The following POLQ variants were observed in gnomAD, a reference collection of about 807,000 sequenced individuals.
The protein encoded by POLQ is epididymis secretory sperm binding protein.
In POLQ, 233 loss-of-function variants were observed where a neutral mutation model predicts 259.2. The observed-to-expected ratio is 0.90, with a 90% CI of 0.81 to 1.00. The LOEUF is 1.00. Ranked by LOEUF, POLQ falls within the 50% of genes least tolerant of loss-of-function variation. The probability of loss-of-function intolerance (pLI) is 0.00; values close to 1 mark genes in which losing one functional copy is unlikely to be tolerated. For synonymous variants in POLQ, 1,025 were observed against 1,048.8 expected, an observed-to-expected ratio of 0.98 and a Z score of 0.44; for missense variants, 2,871 against 3,051.6, an observed-to-expected ratio of 0.94 and a Z score of 1.39.
intron 25 of POLQ, among the ~76,000 whole-genome samples, chr3:121,459,216 T>C (rs1295893493): frequency 6.6e-6 from 1 of 152,086 alleles, no homozygotes; most frequent in African/African-American, 2.4e-5. Flanking sequence ...GCTAAAAAGC[T>C]ATCAGGTACT....
intron 14 of POLQ, chr3:121,494,474 G>T (rs1381410160): frequency 1.4e-6 from 2 of 1,480,944 alleles, no homozygotes; most frequent in African/African-American, 1.4e-5. Context: ...GAAGAAAGCT[G>T]CTGGCAGAGG....
At chr3:121,491,217 G>T (rs1331208613) in intron 15 of POLQ, among the ~76,000 whole-genome samples, 1 of 151,834 alleles carries the variant, frequency 6.6e-6, no homozygotes, top group Non-Finnish European at 1.5e-5. Flanking sequence ...GCCGGGTGTG[G>T]TGACATGTGC....
intron 25 of POLQ, among the ~76,000 whole-genome samples, chr3:121,456,316 C>T (rs1239200568): frequency 6.6e-6 from 1 of 151,966 alleles, no homozygotes; most frequent in Non-Finnish European, 1.5e-5. Context: ...CCTGTGAAAA[C>T]TGGCACAAGA....
intron 25 of POLQ, among the ~76,000 whole-genome samples, 176 bp downstream of exon 25, chr3:121,459,874 T>G (rs1001121138): frequency 6.6e-6 from 1 of 152,162 alleles, no homozygotes; most frequent in African/African-American, 2.4e-5. Flanking sequence ...TTCTTCCTAC[T>G]GCCTCCACAA....
chr3:121,440,163 T>C, intron 26 of POLQ, 47 bp from the exon 27 acceptor site: 1 of 1,437,542 alleles, frequency 7.0e-7, no homozygotes, highest in South Asian at 1.2e-5. Context: ...AAGTCTATCC[T>C]TCACTTCATT....
chr3:121,489,595 T>C lies in POLQ; in HGVS notation c.3336A>G (p.Thr1112=), dbSNP rs1285764228. The C allele has an allele frequency of 8.1e-6, 13 of 1,613,010 alleles. No individual in the cohort carries two copies. The highest frequency in any genetic ancestry group is 1.1e-5 in the South Asian group (1 of 90,818). Residue 1112 remains threonine (T), a synonymous_variant, in exon 16 of 30, where the codon ACA becomes ACG. Transcript: ENST00000264233. ...TTTGCTTTATTTGTAATGGGAATGA[T>C]GTTTTATTATCTTTTTCCTTACCAC... ...SLSGKEKDNK[T]SFPLQIKQNC... is the part of the protein sequence containing the mutation.
rs374439731 is a variant in POLQ at position 121,483,336 on chromosome 3, A to G, written c.5970+50T>C. 34 of 1,020,734 alleles carry G rather than the reference A, an allele frequency of 3.3e-5. No homozygotes were observed. In the African/African-American group the frequency reaches 3.5e-4, roughly 10 times the overall value. 63.2% of individuals were successfully genotyped at this position (1,020,734 alleles called of 1,614,324 possible). On this transcript the variant is annotated intron_variant, in intron 18 of 29. Transcript: ENST00000264233. ...TAAATACCAAGTCATTTAAGAATTA[A>G]CACTAAAAATGTTGTTTTAAGTATA...
Position 121,509,588 on chromosome 3 carries a change from T to C in POLQ, c.1932A>G (p.Leu644=), listed in dbSNP as rs768794195. Residue 644 remains leucine (L), a synonymous_variant, in exon 12 of 30, where the codon TTA becomes TTG. Coordinates refer to ENST00000264233, the MANE Select transcript of POLQ (RefSeq NM_199420.4). The part of the protein sequence containing the change: ...DLQRAMKGFV[L]ENDLHILYLV... ...GATAGAGAATATGAAGATCATTCTC[T>C]AAAACAAAGCCCTTCATTGCTCTTT... 3 of 1,613,456 alleles carry C rather than the reference T, an allele frequency of 1.9e-6. No homozygotes were observed. The Admixed American group carries it at 5.0e-5, about 27-fold the overall frequency.
intron 28 of POLQ, among the ~76,000 whole-genome samples, chr3:121,433,979 G>T (rs190927229): frequency 1.5e-3 from 221 of 152,292 alleles, no homozygotes; most frequent in Middle Eastern, 6.8e-3. Flanking sequence ...ATCACCTGAG[G>T]CTGCAGCAAG....
intron 7 of POLQ, among the ~76,000 whole-genome samples, chr3:121,527,531 T>C (rs1193278203): frequency 1.3e-5 from 2 of 152,332 alleles, no homozygotes; most frequent in South Asian, 2.1e-4. Context: ...TGCAGCCACA[T>C]AAAACTGCAT....
chr3:121,524,686 T>C (rs1053919263), intron 7 of POLQ, among the ~76,000 whole-genome samples: 1 of 151,998 alleles, frequency 6.6e-6, no homozygotes, highest in African/African-American at 2.4e-5. Flanking sequence ...TAATCTAAAG[T>C]GACAGCAAGC....
In POLQ at chr3:121,531,059, T is replaced by C. The variant is rs2048408201; in HGVS notation, c.961-1267A>G. 2.0e-5 allele frequency among the ~76,000 whole-genome samples: 3 copies of C among 152,168 alleles called. No individual in the cohort carries two copies. The South Asian group carries it at 6.2e-4, about 32-fold the overall frequency. On this transcript the variant is annotated intron_variant, in intron 6 of 29. Transcript: ENST00000264233. ...AAAATTAGTTGGGCATGGTGGCGCA[T>C]GTCTGTAATCCCAGCTACTCGGGAG... is the stretch of plus-strand genomic sequence containing the variant.
At position 121,449,298 on chromosome 3, in the gene POLQ, T is replaced by C. The variant is rs774031833; in HGVS notation, c.7264+17A>G. On this transcript the variant is annotated intron_variant, in intron 26 of 29. Coordinates refer to ENST00000264233, the MANE Select transcript of POLQ (RefSeq NM_199420.4). Reference sequence around the variant, plus strand: ...GGTAAGATGGTTGAAAAGAATACTATCTAGAAGATAAATTACCTGTGTATC... The same window carrying C: ...GGTAAGATGGTTGAAAAGAATACTACCTAGAAGATAAATTACCTGTGTATC... 20 of 1,178,590 alleles carry C rather than the reference T, an allele frequency of 1.7e-5. No individual in the cohort carries two copies. Among genetic ancestry groups the C allele is most frequent in the Non-Finnish European group, 2.4e-5 (19 of 784,796 alleles). 73.0% of individuals were successfully genotyped at this position (1,178,590 alleles called of 1,614,324 possible).
chr3:121,531,024 G>A (rs979667782), intron 6 of POLQ, among the ~76,000 whole-genome samples: 1 of 152,028 alleles, frequency 6.6e-6, no homozygotes, highest in Non-Finnish European at 1.5e-5. Flanking sequence ...TCCGCCTCTA[G>A]TAAAAATACA....
intron 7 of POLQ, among the ~76,000 whole-genome samples, chr3:121,524,615 T>A (rs1343770650): frequency 2.0e-5 from 3 of 152,028 alleles, no homozygotes; most frequent in Admixed American, 2.0e-4. Context: ...GCAAGCTAGA[T>A]ACAAAAGACA....
intron 12 of POLQ, among the ~76,000 whole-genome samples, chr3:121,508,790 A>C (rs144847125): frequency 7.8e-4 from 119 of 152,304 alleles, no homozygotes; most frequent in African/African-American, 2.6e-3. Flanking sequence ...TGAGAATTTC[A>C]ATTTTACTCA....
Position 121,476,564 on chromosome 3 carries a change from GAAAGAAA to G in POLQ, c.6374_6380del (p.Phe2125SerfsTer15), listed in dbSNP as rs1216911232. 3.7e-6 allele frequency: 6 copies of G among 1,613,498 alleles called. No individual in the cohort carries two copies. The East Asian group carries it at 8.9e-5, about 24-fold the overall frequency. ...CCTCAGCGATGTCATCTGAACTGGT[GAAAGAAA>G]AACTGTGGCCAGCTAGTTGATAGGC... On this transcript the variant is annotated frameshift_variant, in exon 20 of 30. Coordinates refer to ENST00000264233, the MANE Select transcript of POLQ (RefSeq NM_199420.4). LOFTEE classifies it high-confidence loss of function.
At chr3:121,487,255 CTAAG>C (rs758793504) in intron 16 of POLQ, 43 bp downstream of exon 16, 6 of 1,004,586 alleles carry the variant, frequency 6.0e-6, no homozygotes, top group Admixed American at 2.7e-5. Flanking sequence ...TCTCAGTCTA[CTAAG>C]TAGTTTATAA....
intron 19 of POLQ, among the ~76,000 whole-genome samples, chr3:121,479,361 A>AGTGTGTGT (rs1560094485): frequency 4.2e-5 from 3 of 71,712 alleles, no homozygotes; most frequent in Non-Finnish European, 8.8e-5. Flanking sequence ...AAAAAAAAAA[A>AGTGTGTGT]ATGTGTGTGT....
Sources: allele counts gnomAD v4.1 joint callset (sites outside exome capture counted in the v4.1 genomes callset), GRCh38; gene constraint gnomAD v4.1.1; transcripts MANE v1.5; gene names NCBI Gene and HGNC (gene_info 2026-07-23, HGNC 2026-07-21).